RFT1: variants seen among roughly 807,000 people sequenced by gnomAD.
The protein encoded by RFT1 is RFT1 glycolipid translocator homolog.
RFT1 carries 43 observed loss-of-function variants against 62.2 expected under a neutral mutation model. That is an observed-to-expected ratio of 0.69 (90% confidence interval 0.54 to 0.89). The LOEUF is 0.89. Among genes scored for constraint, RFT1 ranks in the 40% least tolerant of loss-of-function variants. The pLI is 0.00. For missense variants in RFT1, 605 were observed against 649.9 expected, an observed-to-expected ratio of 0.93 and a Z score of 0.75; for synonymous variants, 262 against 264.6, an observed-to-expected ratio of 0.99 and a Z score of 0.10.
At chr3:53,075,752 A>C in the RFT1 span, among the ~76,000 whole-genome samples, 1 of 152,180 alleles carries the variant, frequency 6.6e-6, no homozygotes, top group African/African-American at 2.4e-5. Context: ...TCCTCTGACC[A>C]GCAATGAAGA....
At chr3:53,070,880 C>T in the RFT1 span, among the ~76,000 whole-genome samples, 2 of 150,870 alleles carry the variant, frequency 1.3e-5, no homozygotes, top group African/African-American at 4.9e-5. Context: ...ATTACAGGCA[C>T]ATGCCACCAC....
Position 53,091,822 on chromosome 3 carries a change from G to A in RFT1, c.*81C>T, listed in dbSNP as rs1006593246. Reference sequence around the variant, plus strand: ...CACTCCGCTGCAGAGCCCTCAGTGGGGCTCTTACACAGAATGTGTTCCACC... The same window carrying A: ...CACTCCGCTGCAGAGCCCTCAGTGGAGCTCTTACACAGAATGTGTTCCACC... On this transcript the variant is annotated 3_prime_UTR_variant, in exon 13 of 13. Coordinates refer to ENST00000296292, the MANE Select transcript of RFT1 (RefSeq NM_052859.4). The A allele has an allele frequency of 2.7e-6, 4 of 1,487,198 alleles. No homozygotes were observed. Among genetic ancestry groups the A allele is most frequent in the Middle Eastern group, 2.3e-4 (1 of 4,388 alleles). 92.1% of individuals were successfully genotyped at this position (1,487,198 alleles called of 1,614,324 possible).
chr3:53,099,390 TC>T lies in RFT1; in HGVS notation c.1198del (p.Glu400ArgfsTer8), dbSNP rs748350251. ...CFTFAAMSKEEVDRYNFVMLA... is the reference protein window; with the variant it reads ...CFTFAAMSKEXVDRYNFVMLA... Reference sequence around the variant, plus strand: ...CTGCTAGGTTACCCACCTGTCGACCTCCTCTTTGCTCATGGCAGCAAATGTG... The same window carrying T: ...CTGCTAGGTTACCCACCTGTCGACCTCTCTTTGCTCATGGCAGCAAATGTG... On this transcript the variant is annotated frameshift_variant, in exon 11 of 13. Coordinates refer to ENST00000296292, the MANE Select transcript of RFT1 (RefSeq NM_052859.4). LOFTEE classifies it high-confidence loss of function. 6 of 1,613,854 alleles carry T rather than the reference TC, an allele frequency of 3.7e-6. No homozygotes were observed. The highest frequency in any genetic ancestry group is 4.2e-6 in the Non-Finnish European group (5 of 1,179,732).
At chr3:53,123,299 TGTAATAAAACCCATAAAA>T (rs1702020552) in intron 3 of RFT1, among the ~76,000 whole-genome samples, 1 of 152,056 alleles carries the variant, frequency 6.6e-6, no homozygotes, top group Non-Finnish European at 1.5e-5. Flanking sequence ...TGAAGAAAAA[TGTAATAAAACCCATAAAA>T]GGCTTTCAAG....
At chr3:53,081,159 A>T in the RFT1 span, among the ~76,000 whole-genome samples, 1 of 152,222 alleles carries the variant, frequency 6.6e-6, no homozygotes, top group Non-Finnish European at 1.5e-5. Flanking sequence ...AACCAGCCCA[A>T]ATGAAGCCAA....
chr3:53,086,339 A>G (rs765103075), downstream of RFT1, among the ~76,000 whole-genome samples: 1 of 152,036 alleles, frequency 6.6e-6, no homozygotes, highest in Non-Finnish European at 1.5e-5. Flanking sequence ...TTTTGGAAAC[A>G]GAGTCTCGCT....
At chr3:53,116,006 C>A (rs1211864344) in intron 6 of RFT1, among the ~76,000 whole-genome samples, 5 of 152,234 alleles carry the variant, frequency 3.3e-5, no homozygotes, top group African/African-American at 1.2e-4. Flanking sequence ...GCATATCTCT[C>A]ATATTAAATC....
intron 6 of RFT1, among the ~76,000 whole-genome samples, chr3:53,113,148 C>T (rs1001247932): frequency 2.6e-5 from 4 of 152,034 alleles, no homozygotes; most frequent in Non-Finnish European, 4.4e-5. Context: ...CCAGAATAGC[C>T]GGGACTACAG....
intron 10 of RFT1, among the ~76,000 whole-genome samples, chr3:53,100,801 C>T (rs2107099269): frequency 6.6e-6 from 1 of 152,168 alleles, no homozygotes; most frequent in East Asian, 1.9e-4. Context: ...TAGAAAGGGT[C>T]CCAAAAGAAC....
At chr3:53,118,734 C>T (rs1192998849) in intron 6 of RFT1, among the ~76,000 whole-genome samples, 5 of 152,078 alleles carry the variant, frequency 3.3e-5, no homozygotes, top group African/African-American at 1.2e-4. Flanking sequence ...AATATCATCA[C>T]GTGTGCAGCT....
the RFT1 span, among the ~76,000 whole-genome samples, chr3:53,081,653 TG>T: frequency 6.6e-6 from 1 of 152,176 alleles, no homozygotes; most frequent in East Asian, 1.9e-4. Flanking sequence ...AGGCCAAAAG[TG>T]AGGTGCCTTC....
chr3:53,105,830 A>G, intron 8 of RFT1, 27 bp from the exon 9 acceptor site: 1 of 1,603,032 alleles, frequency 6.2e-7, no homozygotes, highest in Non-Finnish European at 8.5e-7. Context: ...AAGAAACAAC[A>G]ATCATGTTGG....
At chr3:53,122,241 T>C in intron 4 of RFT1, 133 bp downstream of exon 4, 1 of 882,904 alleles carries the variant, frequency 1.1e-6, no homozygotes, top group South Asian at 1.4e-5. Flanking sequence ...ACTGACCATG[T>C]TATCTTTTTC....
At chr3:53,124,565 C>T (rs1037144455) in intron 2 of RFT1, among the ~76,000 whole-genome samples, 7 of 152,294 alleles carry the variant, frequency 4.6e-5, no homozygotes, top group Admixed American at 2.6e-4. Flanking sequence ...GCAGGCCAGA[C>T]AAGGGCTGTC....
chr3:53,126,653 G>C (rs1454782158), intron 1 of RFT1, among the ~76,000 whole-genome samples: 2 of 152,304 alleles, frequency 1.3e-5, no homozygotes, highest in African/African-American at 2.4e-5. Flanking sequence ...GGAAGGGAGA[G>C]AGTGTCCAAT....
At chr3:53,083,200 C>CAAAAAAAAA in the RFT1 span, among the ~76,000 whole-genome samples, 3 of 39,384 alleles carry the variant, frequency 7.6e-5, no homozygotes, top group African/African-American at 1.3e-4. Flanking sequence ...GATTCCATCT[C>CAAAAAAAAA]AAAAAAAAAA....
chr3:53,098,642 A>AATACAAAAAAT (rs1229592899), intron 11 of RFT1, among the ~76,000 whole-genome samples: 2 of 151,970 alleles, frequency 1.3e-5, no homozygotes, highest in African/African-American at 4.8e-5. Context: ...CTCTACTAAA[A>AATACAAAAAAT]ATACAAAAAA....
rs752836352 is a variant in RFT1, at chr3:53,105,759, A to G, written c.871T>C (p.Leu291=). ...CTTTCCTCTATTGGCTGGAAAATTAATCTGGCCACAAGGGAGCCAAGATTA... is the reference window on the plus strand; with the variant it reads ...CTTTCCTCTATTGGCTGGAAAATTAGTCTGGCCACAAGGGAGCCAAGATTA... The part of the protein sequence containing the change: ...VNNLGSLVAR[L]IFQPIEESFY... The change falls in exon 9 of 13, where the codon TTA becomes CTA. Residue 291 remains leucine, a synonymous_variant. Coordinates refer to ENST00000296292, the MANE Select transcript of RFT1 (RefSeq NM_052859.4). The G allele has an allele frequency of 6.2e-7, 1 of 1,614,012 alleles. No homozygotes were observed.
At chr3:53,111,968 AT>A (rs1429107678) in intron 6 of RFT1, 60 bp from the exon 7 acceptor site, 1 of 1,344,326 alleles carries the variant, frequency 7.4e-7, no homozygotes, top group Non-Finnish European at 1.1e-6. Flanking sequence ...TAAGAATGCA[AT>A]GCTACATGAG....
Sources: allele counts gnomAD v4.1 joint callset (sites outside exome capture counted in the v4.1 genomes callset), GRCh38; gene constraint gnomAD v4.1.1; transcripts MANE v1.5; gene names NCBI Gene and HGNC (gene_info 2026-07-23, HGNC 2026-07-21).